Variants in ZHX3 observed in about 807,000 individuals in gnomAD.
ZHX3 encodes the protein zinc fingers and homeoboxes 3.
Under a neutral mutation model 64.5 loss-of-function variants are expected in ZHX3, and 20 were observed. The observed-to-expected ratio is 0.31, with a 90% CI of 0.22 to 0.45. ZHX3 has a LOEUF of 0.45. ZHX3 is among the 20% of genes least tolerant of loss of function. The pLI is 1.00. For missense variants in ZHX3, 1,041 were observed against 1,195.8 expected (o/e 0.87, Z 1.91); for synonymous variants, 423 against 461.6 (o/e 0.92, Z 1.07).
intron 2 of ZHX3, among the ~76,000 whole-genome samples, chr20:41,229,494 G>C (rs1398704349): frequency 1.3e-5 from 2 of 152,088 alleles, no homozygotes; most frequent in Non-Finnish European, 2.9e-5. Context: ...TTCCATAACA[G>C]CTGCACCATT....
intron 2 of ZHX3, among the ~76,000 whole-genome samples, chr20:41,214,681 T>C (rs1282111093): frequency 6.6e-6 from 1 of 152,266 alleles, no homozygotes; most frequent in Non-Finnish European, 1.5e-5. Flanking sequence ...TTATTTGTTA[T>C]GTATTTTTAA....
chr20:41,304,271 A>G (rs1600674200), intron 1 of ZHX3, among the ~76,000 whole-genome samples: 1 of 152,270 alleles, frequency 6.6e-6, no homozygotes, highest in Admixed American at 6.5e-5. Context: ...ATCCACAGAT[A>G]TAACTTCAAC....
At chr20:41,306,176 T>C (rs191912378) in intron 1 of ZHX3, among the ~76,000 whole-genome samples, 3 of 152,210 alleles carry the variant, frequency 2.0e-5, no homozygotes, top group Non-Finnish European at 4.4e-5. Context: ...AGTTCAAGCA[T>C]TGTATTTGGG....
intron 1 of ZHX3, among the ~76,000 whole-genome samples, chr20:41,303,261 T>C (rs921851484): frequency 1.1e-4 from 16 of 152,176 alleles, no homozygotes; most frequent in African/African-American, 3.9e-4. Flanking sequence ...TAGTGCCACA[T>C]CAGACACACT....
At chr20:41,222,864 T>C (rs2040032980) in intron 2 of ZHX3, among the ~76,000 whole-genome samples, 2 of 151,316 alleles carry the variant, frequency 1.3e-5, no homozygotes, top group East Asian at 3.9e-4. Flanking sequence ...CTGAATAGCT[T>C]GCAGGCTGGT....
rs575499805 is a variant in ZHX3, at chr20:41,224,058, A to G, written c.-150-18992T>C. 6.6e-6 allele frequency among the ~76,000 whole-genome samples: 1 copy of G among 152,208 alleles called. No individual in the cohort carries two copies. The highest frequency in any genetic ancestry group is 2.4e-5 in the African/African-American group (1 of 41,468). On this transcript the variant is annotated intron_variant, in intron 2 of 3. Transcript: ENST00000683867. This position sits in a 1 kb window ranked among gnomAD's most constrained non-coding sequence, Gnocchi z 5.2. The stretch of plus-strand genomic sequence containing the variant: ...TAGAGATATCCAATATACAAAACAA[A>G]AAATAAATAAATAAAAGAACAAGCA...
At chr20:41,305,739 G>A (rs548578880) in intron 1 of ZHX3, among the ~76,000 whole-genome samples, 40 of 148,418 alleles carry the variant, frequency 2.7e-4, no homozygotes, top group Admixed American at 2.0e-3. Flanking sequence ...AGCCGAGATC[G>A]CGCCACTGCA....
In ZHX3 at chr20:41,228,422, TA is replaced by T. The variant is rs769611287; in HGVS notation, c.-150-23357del. 1.3e-5 allele frequency among the ~76,000 whole-genome samples: 2 copies of T among 152,174 alleles called. No homozygotes were observed. The highest frequency in any genetic ancestry group is 2.9e-5 in the Non-Finnish European group (2 of 68,024). ...TTGTCTTAGTCCGTTCGGGGTGCTA[TA>T]ACAAAAACATCATAGACTGGATGGC... On this transcript the variant is annotated intron_variant, in intron 2 of 3. Coordinates refer to ENST00000683867, the MANE Select transcript of ZHX3 (RefSeq NM_001384317.1). The surrounding 1 kb of genome is among the most constrained non-coding windows in gnomAD (Gnocchi z 4.6).
rs150104678 is a variant in ZHX3, at chr20:41,275,113, G to A, written c.-244-6030C>T. Among the ~76,000 whole-genome samples, 14 of 152,108 alleles carry A rather than the reference G, an allele frequency of 9.2e-5. No homozygotes were observed. In the East Asian group the frequency reaches 2.7e-3, roughly 29 times the overall value. On this transcript the variant is annotated intron_variant, in intron 1 of 3. Transcript: ENST00000683867. ...GCGGAGGTTGCAGTGAGCTCAGATT[G>A]TGCCATTGCACTCCAGCCTGGGTGA...
intron 2 of ZHX3, among the ~76,000 whole-genome samples, chr20:41,235,148 G>A (rs1283458729): frequency 6.6e-6 from 1 of 152,054 alleles, no homozygotes; most frequent in Non-Finnish European, 1.5e-5. Flanking sequence ...TGCACACATG[G>A]CTGGGAGTGG....
chr20:41,308,442 T>C (rs117212035), intron 1 of ZHX3, among the ~76,000 whole-genome samples: 3 of 152,294 alleles, frequency 2.0e-5, no homozygotes, highest in Admixed American at 6.5e-5. Context: ...AAATAAGAAA[T>C]GGAACACATG....
At chr20:41,190,855 ATAT>A (rs1378950162) in intron 3 of ZHX3, among the ~76,000 whole-genome samples, 10 of 152,224 alleles carry the variant, frequency 6.6e-5, no homozygotes, top group African/African-American at 2.2e-4. Context: ...CCCTGTCAAC[ATAT>A]TATCTCATTT....
At chr20:41,258,347 T>G (rs2042377485) in intron 2 of ZHX3, among the ~76,000 whole-genome samples, 1 of 152,164 alleles carries the variant, frequency 6.6e-6, no homozygotes, top group African/African-American at 2.4e-5. Context: ...AACCAGAACT[T>G]TAATATTAAT....
intron 2 of ZHX3, among the ~76,000 whole-genome samples, chr20:41,246,089 T>C (rs370911973): frequency 1.3e-5 from 2 of 152,300 alleles, no homozygotes; most frequent in African/African-American, 4.8e-5. Context: ...TTCTTTTGCA[T>C]CTCCTTTCCT....
intron 1 of ZHX3, chr20:41,316,802 G>A (rs916301241): frequency 2.0e-5 from 3 of 152,342 alleles, no homozygotes; most frequent in South Asian, 4.1e-4. Context: ...ACTTCCAACA[G>A]GCTTCCCTGA....
rs2038161117 is a variant in ZHX3 at position 41,200,857 on chromosome 20, A to G, written c.2860+1200T>C. 1.3e-5 allele frequency among the ~76,000 whole-genome samples: 2 copies of G among 152,262 alleles called. No homozygotes were observed. Among genetic ancestry groups the G allele is most frequent in the Non-Finnish European group, 2.9e-5 (2 of 68,050 alleles). On this transcript the variant is annotated intron_variant, in intron 3 of 3. Coordinates refer to ENST00000683867, the MANE Select transcript of ZHX3 (RefSeq NM_001384317.1). This position sits in a 1 kb window ranked among gnomAD's most constrained non-coding sequence, Gnocchi z 4.2. ...CTTAATTCAGTAAAGAAACAATAGCATAACTATGTTTCAAACTGTTGTGTT... is the reference window on the plus strand; with the variant it reads ...CTTAATTCAGTAAAGAAACAATAGCGTAACTATGTTTCAAACTGTTGTGTT...
chr20:41,296,782 C>T (rs918584656), intron 1 of ZHX3, among the ~76,000 whole-genome samples: 5 of 152,262 alleles, frequency 3.3e-5, no homozygotes, highest in African/African-American at 7.2e-5. Flanking sequence ...AAGGGAGAAG[C>T]GAGGGAGGGA....
intron 1 of ZHX3, among the ~76,000 whole-genome samples, chr20:41,283,440 G>C (rs775177089): frequency 6.6e-6 from 1 of 152,050 alleles, no homozygotes; most frequent in Non-Finnish European, 1.5e-5. Context: ...GCATCTCCTG[G>C]GGAGACAGTC....
chr20:41,287,657 TGA>T (rs1296660775), intron 1 of ZHX3, among the ~76,000 whole-genome samples: 1 of 152,170 alleles, frequency 6.6e-6, no homozygotes, highest in African/African-American at 2.4e-5. Flanking sequence ...GTACTTATGG[TGA>T]GAGACTGAGG....
Sources: allele counts gnomAD v4.1 joint callset (sites outside exome capture counted in the v4.1 genomes callset), GRCh38; gene constraint gnomAD v4.1.1; non-coding constraint Gnocchi (gnomAD v3.1); transcripts MANE v1.5; gene names NCBI Gene and HGNC (gene_info 2026-07-23, HGNC 2026-07-21).